EMID1: variants seen among roughly 807,000 people sequenced by gnomAD.
The protein encoded by EMID1 is EMI domain containing 1.
In EMID1, 40 loss-of-function variants were observed where a neutral mutation model predicts 60.6. That is an observed-to-expected ratio of 0.66 (90% CI 0.51 to 0.86). EMID1 has a LOEUF of 0.86. Among genes scored for constraint, EMID1 ranks in the 40% least tolerant of loss-of-function variants. EMID1 has a pLI of 0.00. For missense variants in EMID1, 585 were observed against 597.1 expected (o/e 0.98, Z 0.21); for synonymous variants, 242 against 231.0 (o/e 1.05, Z -0.43).
intron 2 of EMID1, 61 bp from the exon 3 acceptor site, chr22:29,215,466 G>A (rs2146146577): frequency 6.6e-7 from 1 of 1,523,534 alleles, no homozygotes; most frequent in Non-Finnish European, 9.1e-7. Flanking sequence ...TGGGTGTCCA[G>A]GGCAGTGGGA....
chr22:29,240,125 T>C (rs1299619104), intron 12 of EMID1, among the ~76,000 whole-genome samples: 2 of 152,202 alleles, frequency 1.3e-5, no homozygotes, highest in African/African-American at 4.8e-5. Flanking sequence ...GGTCTCAGTC[T>C]TTAGATGAGC....
chr22:29,230,788 C>T (rs755631451), intron 5 of EMID1, among the ~76,000 whole-genome samples: 1 of 152,136 alleles, frequency 6.6e-6, no homozygotes, highest in Non-Finnish European at 1.5e-5. Context: ...CTCGTCTCTA[C>T]AAATAATTTT....
At chr22:29,219,728 GCTGTGATC>G (rs1432407391) in intron 3 of EMID1, among the ~76,000 whole-genome samples, 3 of 152,198 alleles carry the variant, frequency 2.0e-5, no homozygotes, top group Admixed American at 1.3e-4. Context: ...TCTGCAGTGA[GCTGTGATC>G]CTGCCACTGC....
At chr22:29,253,187 G>A (rs1569008395) in intron 13 of EMID1, among the ~76,000 whole-genome samples, 2 of 152,218 alleles carry the variant, frequency 1.3e-5, no homozygotes, top group South Asian at 2.1e-4. Context: ...GCTCACGCCT[G>A]TAATCCCAAC....
At chr22:29,244,514 C>T (rs2041256843) in intron 13 of EMID1, among the ~76,000 whole-genome samples, 1 of 152,032 alleles carries the variant, frequency 6.6e-6, no homozygotes, top group Non-Finnish European at 1.5e-5. Context: ...TGGTACGCAC[C>T]TGTAGTCCTA....
intron 13 of EMID1, 181 bp from the exon 14 acceptor site, chr22:29,254,022 G>A: frequency 1.0e-6 from 1 of 985,442 alleles, no homozygotes; most frequent in Non-Finnish European, 1.2e-6. Context: ...CCTTCCGTCT[G>A]CCTTGTTGTC....
chr22:29,222,218 C>T (rs1040940364), intron 3 of EMID1, among the ~76,000 whole-genome samples: 9 of 152,130 alleles, frequency 5.9e-5, no homozygotes, highest in African/African-American at 1.9e-4. Flanking sequence ...ATCAGTCTCC[C>T]AAGTAGCTGG....
At chr22:29,213,877 G>T (rs1469399820) in intron 1 of EMID1, among the ~76,000 whole-genome samples, 1 of 152,194 alleles carries the variant, frequency 6.6e-6, no homozygotes, top group Non-Finnish European at 1.5e-5. Flanking sequence ...GATGGCGTCA[G>T]AGGCTGGGCT....
chr22:29,243,323 A>G (rs1412449254), intron 12 of EMID1, 122 bp from the exon 13 acceptor site: 9 of 975,580 alleles, frequency 9.2e-6, no homozygotes, highest in Admixed American at 6.7e-5. Context: ...ATCCAATACA[A>G]GCTACTTTCT....
At chr22:29,247,633 TTTTG>T (rs1376729971) in intron 13 of EMID1, among the ~76,000 whole-genome samples, 1 of 152,200 alleles carries the variant, frequency 6.6e-6, no homozygotes, top group East Asian at 1.9e-4. Context: ...TTTGGAGCTT[TTTTG>T]TTTGTTTGTT....
chr22:29,211,632 G>C (rs935556683), intron 1 of EMID1, among the ~76,000 whole-genome samples: 1 of 152,212 alleles, frequency 6.6e-6, no homozygotes, highest in African/African-American at 2.4e-5. Context: ...GCTCCTGTGT[G>C]CCTGTGTGTG....
At chr22:29,208,731 G>T (rs1357425226) in intron 1 of EMID1, among the ~76,000 whole-genome samples, 4 of 152,212 alleles carry the variant, frequency 2.6e-5, no homozygotes, top group Non-Finnish European at 5.9e-5. Flanking sequence ...CTATTCCAAG[G>T]GGAAGACCTT....
Position 29,216,367 on chromosome 22 carries a change from C to T in EMID1, c.319+737C>T, listed in dbSNP as rs996315325. Reference sequence around the variant, plus strand: ...GCAGCCCAGGCCTCTCCCATCCTCACTGCCTGGCTGAACCCATGAGCAGCA... The same window carrying T: ...GCAGCCCAGGCCTCTCCCATCCTCATTGCCTGGCTGAACCCATGAGCAGCA... On this transcript the variant is annotated intron_variant, in intron 3 of 14. Coordinates refer to ENST00000334018, the MANE Select transcript of EMID1 (RefSeq NM_133455.4). The T allele has an allele frequency of 1.5e-5, 15 of 985,362 alleles. No homozygotes were observed. The African/African-American group carries it at 2.3e-4, about 15-fold the overall frequency. 61.0% of individuals were successfully genotyped at this position (985,362 alleles called of 1,614,324 possible). A position where few individuals can be genotyped will look rare whatever the true frequency, so the allele number is the denominator to read the frequency against.
At chr22:29,229,926 C>T (rs1393871575) in intron 5 of EMID1, among the ~76,000 whole-genome samples, 3 of 152,220 alleles carry the variant, frequency 2.0e-5, no homozygotes, top group African/African-American at 7.2e-5. Context: ...TCCTCAGCAG[C>T]TGAGGGGACA....
chr22:29,221,899 C>A (rs1040492335), intron 3 of EMID1, among the ~76,000 whole-genome samples: 1 of 152,062 alleles, frequency 6.6e-6, no homozygotes, highest in Non-Finnish European at 1.5e-5. Context: ...TCTTTAAACT[C>A]TTTTCTTTTT....
chr22:29,206,076 G>T lies in EMID1; in HGVS notation c.38G>T (p.Gly13Val). ...GPRAWALLCL[G>V]LLLPGGGAAW... ...CGGGCTTGGGCGCTGCTCTGCCTCG[G>T]GCTCCTGCTCCCGGGAGGCGGCGCT... The change falls in exon 1 of 15, where the codon GGG (glycine) becomes GTG (valine). Residue 13 changes from glycine to valine, a missense_variant. Coordinates refer to ENST00000334018, the MANE Select transcript of EMID1 (RefSeq NM_133455.4). 1 of 1,230,526 alleles carries T rather than the reference G, an allele frequency of 8.1e-7. No homozygotes were observed. The highest frequency in any genetic ancestry group is 1.0e-6 in the Non-Finnish European group (1 of 987,234). The allele number at this position is 1,230,526 out of a possible 1,614,324, so 76.2% of individuals were successfully genotyped here.
chr22:29,216,736 C>T, intron 3 of EMID1: 1 of 866,180 alleles, frequency 1.2e-6, no homozygotes. Flanking sequence ...GTGGAGTGCC[C>T]AGAGGCACAC....
chr22:29,215,473 G>A, intron 2 of EMID1, 54 bp from the exon 3 acceptor site: 2 of 1,545,884 alleles, frequency 1.3e-6, no homozygotes, highest in Non-Finnish European at 8.9e-7. Flanking sequence ...CCAGGGCAGT[G>A]GGAGAGGTCA....
intron 14 of EMID1, chr22:29,255,385 G>T: frequency 1.4e-6 from 2 of 1,425,688 alleles, no homozygotes; most frequent in South Asian, 1.5e-5. Flanking sequence ...GGGCAGGCAG[G>T]GGCAGCCTCT....
Sources: allele counts gnomAD v4.1 joint callset (sites outside exome capture counted in the v4.1 genomes callset), GRCh38; gene constraint gnomAD v4.1.1; transcripts MANE v1.5; gene names NCBI Gene and HGNC (gene_info 2026-07-23, HGNC 2026-07-21).